Variants in ZSCAN25 observed in about 807,000 individuals in gnomAD.
The protein encoded by ZSCAN25 is zinc finger and SCAN domain-containing protein 25.
In ZSCAN25, 27 loss-of-function variants were observed where a neutral mutation model predicts 38.7. The observed-to-expected ratio is 0.70, with a 90% CI of 0.51 to 0.96. The LOEUF is 0.96. ZSCAN25 is among the 40% of genes least tolerant of loss of function. The pLI is 0.00. For synonymous variants in ZSCAN25, 273 were observed against 277.7 expected, an observed-to-expected ratio of 0.98 and a Z score of 0.17; for missense variants, 637 against 705.9, an observed-to-expected ratio of 0.90 and a Z score of 1.11.
At chr7:99,679,318 A>G in the ZSCAN25 span, among the ~76,000 whole-genome samples, 1 of 152,092 alleles carries the variant, frequency 6.6e-6, no homozygotes, top group Admixed American at 6.6e-5. Flanking sequence ...TATGTAAATG[A>G]TATCCTGGGT....
downstream of ZSCAN25, among the ~76,000 whole-genome samples, chr7:99,635,830 G>A (rs1420639653): frequency 5.9e-5 from 9 of 152,074 alleles, no homozygotes; most frequent in South Asian, 2.1e-4. Context: ...GGCGGATCAC[G>A]AGGTCAGGAG....
chr7:99,620,146 G>A, intron 4 of ZSCAN25, 153 bp downstream of exon 4: 3 of 1,151,796 alleles, frequency 2.6e-6, no homozygotes, highest in Non-Finnish European at 3.6e-6. Flanking sequence ...GAGAGCAGTG[G>A]CGTTTTCAGC....
Position 99,631,301 on chromosome 7 carries a change from A to G in ZSCAN25, c.*1281A>G. 2 of 985,384 alleles carry G rather than the reference A, an allele frequency of 2.0e-6. No individual in the cohort carries two copies. Among genetic ancestry groups the G allele is most frequent in the Non-Finnish European group, 2.4e-6 (2 of 829,924 alleles). 61.0% of individuals were successfully genotyped at this position (985,384 alleles called of 1,614,324 possible). ...CACTGGGGATGATGAGCTGGTAGCG[A>G]CCTGTTTTGCATGAGTGCCAAGTCA... On this transcript the variant is annotated 3_prime_UTR_variant, in exon 8 of 8. Transcript: ENST00000394152.
chr7:99,682,682 A>G, the ZSCAN25 span, among the ~76,000 whole-genome samples: 19 of 151,566 alleles, frequency 1.3e-4, no homozygotes, highest in African/African-American at 3.9e-4. Context: ...TGGTATTTTG[A>G]GAGACTGCAT....
the ZSCAN25 span, chr7:99,652,509 C>G: frequency 7.1e-7 from 1 of 1,404,952 alleles, no homozygotes; most frequent in East Asian, 2.3e-5. Context: ...TATGCTTGAA[C>G]CAGCCTGGGT....
At chr7:99,695,260 T>C in the ZSCAN25 span, among the ~76,000 whole-genome samples, 41 of 152,164 alleles carry the variant, frequency 2.7e-4, no homozygotes, top group Non-Finnish European at 5.1e-4. Context: ...CAATGGTAAA[T>C]ACTTGAGCTC....
the ZSCAN25 span, among the ~76,000 whole-genome samples, chr7:99,642,073 GCCTAGAAGCTACTTTC>G: frequency 6.6e-6 from 1 of 152,078 alleles, no homozygotes. Context: ...TGTTCTCCTT[GCCTAGAAGCTACTTTC>G]TCAAGCCCTT....
At chr7:99,627,680 T>C (rs1159751294) in intron 7 of ZSCAN25, among the ~76,000 whole-genome samples, 1 of 151,542 alleles carries the variant, frequency 6.6e-6, no homozygotes, top group African/African-American at 2.4e-5. Flanking sequence ...ACGTATATCA[T>C]GTATATGCTG....
chr7:99,662,006 AT>A, the ZSCAN25 span, among the ~76,000 whole-genome samples: 1 of 152,224 alleles, frequency 6.6e-6, no homozygotes, highest in Non-Finnish European at 1.5e-5. The surrounding 1 kb of genome is among the most constrained non-coding windows in gnomAD (Gnocchi z 4.3). Context: ...ATGATAGACT[AT>A]TTTCTTTATC....
the ZSCAN25 span, among the ~76,000 whole-genome samples, chr7:99,697,897 A>G: frequency 1.3e-5 from 2 of 152,174 alleles, no homozygotes; most frequent in Non-Finnish European, 2.9e-5. Flanking sequence ...CAATGACACT[A>G]ATCTCTGCTT....
chr7:99,689,800 G>A, the ZSCAN25 span, among the ~76,000 whole-genome samples: 1 of 152,124 alleles, frequency 6.6e-6, no homozygotes, highest in South Asian at 2.1e-4. Flanking sequence ...AAATAAAAGA[G>A]GATACAAACA....
the ZSCAN25 span, among the ~76,000 whole-genome samples, chr7:99,645,570 C>T: frequency 9.2e-5 from 14 of 152,220 alleles, no homozygotes; most frequent in East Asian, 1.9e-3. Context: ...ACACTCCCAC[C>T]GACAGTGTAT....
At chr7:99,625,735 C>G (rs1807413436) in intron 7 of ZSCAN25, among the ~76,000 whole-genome samples, 1 of 152,156 alleles carries the variant, frequency 6.6e-6, no homozygotes, top group African/African-American at 2.4e-5. Context: ...CGCCCCCATT[C>G]TCAGAAGATT....
At position 99,622,485 on chromosome 7, in the gene ZSCAN25, A is replaced by G. The variant is rs139259723; in HGVS notation, c.590-64A>G. On this transcript the variant is annotated intron_variant, in intron 5 of 7. Transcript: ENST00000394152. The stretch of plus-strand genomic sequence containing the variant: ...AGCATCTGGTAGGGGACACATTTGA[A>G]CGAGCTAACAGCATAACATCACTGA... The G allele has an allele frequency of 8.4e-4, 1,249 of 1,495,532 alleles. 6 individuals carry two copies. The highest frequency in any genetic ancestry group is 5.2e-3 in the African/African-American group (375 of 72,692). 92.6% of individuals were successfully genotyped at this position (1,495,532 alleles called of 1,614,324 possible). A position where few individuals can be genotyped will look rare whatever the true frequency, so the allele number is the denominator to read the frequency against.
At chr7:99,698,133 G>A in the ZSCAN25 span, among the ~76,000 whole-genome samples, 3 of 152,314 alleles carry the variant, frequency 2.0e-5, no homozygotes, top group South Asian at 6.2e-4. Context: ...AGAAAAGCCA[G>A]TCATCTATTG....
the ZSCAN25 span, chr7:99,708,977 C>T: frequency 1.8e-5 from 29 of 1,585,032 alleles, no homozygotes; most frequent in Non-Finnish European, 2.4e-5. Context: ...TGTAGAGAGG[C>T]AGAATATGCT....
the ZSCAN25 span, among the ~76,000 whole-genome samples, chr7:99,638,997 C>T: frequency 2.6e-5 from 4 of 152,226 alleles, no homozygotes; most frequent in African/African-American, 9.6e-5. Flanking sequence ...CGCTGGGAGC[C>T]GCCGTCCTGC....
chr7:99,700,030 T>A, the ZSCAN25 span: 2 of 1,608,474 alleles, frequency 1.2e-6, no homozygotes, highest in Non-Finnish European at 1.7e-6. Context: ...TGGGATGAGG[T>A]CCATCGCCAC....
chr7:99,708,826 G>C, the ZSCAN25 span, among the ~76,000 whole-genome samples: 1 of 152,112 alleles, frequency 6.6e-6, no homozygotes, highest in Non-Finnish European at 1.5e-5. Context: ...TTCATCTTAA[G>C]TTGCTGGGAC....
Sources: allele counts gnomAD v4.1 joint callset (sites outside exome capture counted in the v4.1 genomes callset), GRCh38; gene constraint gnomAD v4.1.1; non-coding constraint Gnocchi (gnomAD v3.1); transcripts MANE v1.5; gene names NCBI Gene and HGNC (gene_info 2026-07-23, HGNC 2026-07-21).